PROS1: variants seen among roughly 807,000 people sequenced by gnomAD.
PROS1 encodes the protein vitamin K-dependent protein S.
PROS1 carries 29 observed loss-of-function variants against 75.9 expected under a neutral mutation model. The ratio of observed to expected loss-of-function variants is 0.38; its 90% CI spans 0.28 to 0.52. The LOEUF (loss-of-function observed/expected upper bound fraction) is 0.52, where lower values mean the gene tolerates loss of function less well. Among genes scored for constraint, PROS1 ranks in the 20% least tolerant of loss-of-function variants. The probability of loss-of-function intolerance (pLI) is 0.83; values close to 1 mark genes in which losing one functional copy is unlikely to be tolerated. For synonymous variants in PROS1, 245 were observed against 280.6 expected, an observed-to-expected ratio of 0.87 and a Z score of 1.27; for missense variants, 680 against 810.3, an observed-to-expected ratio of 0.84 and a Z score of 1.95.
intron 14 of PROS1, among the ~76,000 whole-genome samples, chr3:93,875,792 A>C (rs1241860470): frequency 6.6e-6 from 1 of 152,166 alleles, no homozygotes; most frequent in Non-Finnish European, 1.5e-5. Context: ...CAGTTTAAGC[A>C]GTATATTGAA....
intron 3 of PROS1, among the ~76,000 whole-genome samples, chr3:93,912,841 A>G (rs1461818221): frequency 6.6e-6 from 1 of 152,122 alleles, no homozygotes; most frequent in Non-Finnish European, 1.5e-5. Context: ...AACACCTCCC[A>G]TTAGGCCCCA....
chr3:93,973,588 T>A, intron 1 of PROS1, 86 bp downstream of exon 1: 2 of 1,417,298 alleles, frequency 1.4e-6, no homozygotes, highest in Non-Finnish European at 2.0e-6. Flanking sequence ...AGGCTGCAGC[T>A]CTAGAGAAGA....
intron 4 of PROS1, among the ~76,000 whole-genome samples, chr3:93,906,428 A>G (rs1415097558): frequency 6.6e-6 from 1 of 152,202 alleles, no homozygotes; most frequent in Non-Finnish European, 1.5e-5. Context: ...CCCACTCCAC[A>G]GAGCAGATAG....
At chr3:93,899,001 A>G (rs190383878) in intron 7 of PROS1, among the ~76,000 whole-genome samples, 1 of 152,048 alleles carries the variant, frequency 6.6e-6, no homozygotes, top group Admixed American at 6.6e-5. Flanking sequence ...TGGGGAAGTA[A>G]AGGAAAGGAA....
chr3:93,908,191 A>T (rs1559935981), intron 4 of PROS1, among the ~76,000 whole-genome samples: 1 of 152,210 alleles, frequency 6.6e-6, no homozygotes, highest in Non-Finnish European at 1.5e-5. Flanking sequence ...TGTAACAAGG[A>T]ATAGATTTAT....
chr3:93,880,061 T>G (rs531881246), intron 12 of PROS1, among the ~76,000 whole-genome samples: 109 of 152,328 alleles, frequency 7.2e-4, no homozygotes, highest in Non-Finnish European at 5.0e-4. Context: ...CCTCATTTAA[T>G]ATGATGTAAC....
intron 2 of PROS1, among the ~76,000 whole-genome samples, chr3:93,925,781 C>T (rs1223604412): frequency 6.7e-6 from 1 of 149,518 alleles, no homozygotes; most frequent in Non-Finnish European, 1.5e-5. Flanking sequence ...CATGATCATG[C>T]CACTGCACTC....
At chr3:93,929,093 C>A (rs1360014631) in intron 1 of PROS1, among the ~76,000 whole-genome samples, 1 of 152,172 alleles carries the variant, frequency 6.6e-6, no homozygotes, top group Admixed American at 6.6e-5. Flanking sequence ...GTATGTCCTA[C>A]ATATATGCCC....
At chr3:93,902,584 C>T (rs1027416040) in intron 6 of PROS1, among the ~76,000 whole-genome samples, 1 of 151,822 alleles carries the variant, frequency 6.6e-6, no homozygotes, top group African/African-American at 2.4e-5. Flanking sequence ...AAAACCCCGT[C>T]TTTACCAAAA....
chr3:93,893,475 C>T (rs1452242242), intron 9 of PROS1, among the ~76,000 whole-genome samples: 1 of 151,984 alleles, frequency 6.6e-6, no homozygotes, highest in African/African-American at 2.4e-5. Flanking sequence ...TATATCTCTC[C>T]TGGAGCCTTT....
intron 14 of PROS1, 93 bp from the exon 15 acceptor site, chr3:93,874,498 C>A: frequency 6.6e-7 from 1 of 1,516,986 alleles, no homozygotes; most frequent in Non-Finnish European, 9.0e-7. Context: ...CTGTTTCCAA[C>A]CAAATTCTAA....
In PROS1 at chr3:93,898,331, G is replaced by T. The variant is rs1273457685; in HGVS notation, c.849+117C>A. On this transcript the variant is annotated intron_variant, in intron 8 of 14. Coordinates refer to ENST00000394236, the MANE Select transcript of PROS1 (RefSeq NM_000313.4). ...AATCATGACTCATAACCTGCTTAAA[G>T]CTACAGCAATTATTGCAGAACGTCT... 7.4e-6 allele frequency: 9 copies of T among 1,213,754 alleles called. No individual in the cohort carries two copies. The Admixed American group carries it at 1.4e-4, about 19-fold the overall frequency. The allele number at this position is 1,213,754 out of a possible 1,614,324, so 75.2% of individuals were successfully genotyped here.
intron 3 of PROS1, among the ~76,000 whole-genome samples, chr3:93,914,490 G>A (rs1349081078): frequency 2.0e-5 from 3 of 152,170 alleles, no homozygotes; most frequent in African/African-American, 7.2e-5. Flanking sequence ...TGAAATTCAA[G>A]CAGCAGAGTC....
intron 1 of PROS1, among the ~76,000 whole-genome samples, chr3:93,931,709 G>A (rs1169901337): frequency 6.6e-6 from 1 of 151,612 alleles, no homozygotes; most frequent in African/African-American, 2.4e-5. Context: ...AGACTTTTCT[G>A]GAAGCATAAT....
At chr3:93,907,195 C>T (rs563850067) in intron 4 of PROS1, among the ~76,000 whole-genome samples, 1 of 152,354 alleles carries the variant, frequency 6.6e-6, no homozygotes, top group East Asian at 1.9e-4. Flanking sequence ...ATGGACCAGT[C>T]AGCATGCACT....
intron 10 of PROS1, among the ~76,000 whole-genome samples, chr3:93,890,353 A>G (rs1411538474): frequency 6.6e-6 from 1 of 152,156 alleles, no homozygotes; most frequent in Non-Finnish European, 1.5e-5. Context: ...TGGACTCTTT[A>G]TCAGTAGTTT....
At chr3:93,888,989 T>C (rs1211600035) in intron 10 of PROS1, among the ~76,000 whole-genome samples, 1 of 152,204 alleles carries the variant, frequency 6.6e-6, no homozygotes, top group East Asian at 1.9e-4. Flanking sequence ...TCTCCCCTGC[T>C]GCTACACTAC....
At chr3:93,905,273 C>A (rs1708656231) in intron 6 of PROS1, among the ~76,000 whole-genome samples, 2 of 152,266 alleles carry the variant, frequency 1.3e-5, no homozygotes, top group South Asian at 4.1e-4. Context: ...TGTACACGCA[C>A]ATACAATAAG....
chr3:93,942,390 C>T (rs964506760), intron 1 of PROS1, among the ~76,000 whole-genome samples: 1 of 152,154 alleles, frequency 6.6e-6, no homozygotes, highest in Admixed American at 6.5e-5. Flanking sequence ...ATTAATGCCT[C>T]TTTAATGAAA....
Sources: allele counts gnomAD v4.1 joint callset (sites outside exome capture counted in the v4.1 genomes callset), GRCh38; gene constraint gnomAD v4.1.1; transcripts MANE v1.5; gene names NCBI Gene and HGNC (gene_info 2026-07-23, HGNC 2026-07-21).